The following LINGO2 variants were observed in gnomAD, a reference collection of about 807,000 sequenced individuals.
The protein encoded by LINGO2 is leucine-rich repeat and immunoglobulin-like domain-containing nogo receptor-interacting protein 2.
Under a neutral mutation model 30.6 loss-of-function variants are expected in LINGO2, and 14 were observed. That is an observed-to-expected ratio of 0.46 (90% confidence interval 0.30 to 0.72). The LOEUF (loss-of-function observed/expected upper bound fraction) is 0.72. LINGO2 is among the 30% of genes least tolerant of loss of function. LINGO2 has a pLI of 0.07. For missense variants in LINGO2, 729 were observed against 751.7 expected, an observed-to-expected ratio of 0.97 and a Z score of 0.35; for synonymous variants, 317 against 288.5, an observed-to-expected ratio of 1.10 and a Z score of -1.00.
intron 1 of LINGO2, among the ~76,000 whole-genome samples, chr9:28,667,473 G>A (rs1182155639): frequency 6.6e-6 from 1 of 152,080 alleles, no homozygotes; most frequent in Non-Finnish European, 1.5e-5. Context: ...ACTGGGCACG[G>A]TGGCTCACGC....
At chr9:28,643,242 G>A (rs1827683436) in intron 1 of LINGO2, among the ~76,000 whole-genome samples, 1 of 151,918 alleles carries the variant, frequency 6.6e-6, no homozygotes, top group South Asian at 2.1e-4. Context: ...GCTATTTTAA[G>A]CAAAAAGGAT....
chr9:28,012,440 T>G (rs898684090), intron 4 of LINGO2: 2 of 151,886 alleles, frequency 1.3e-5, no homozygotes, highest in African/African-American at 2.4e-5. Context: ...TTAATCAAAG[T>G]TAGAGTCTTC....
At chr9:28,045,475 C>T (rs1824378498) in intron 4 of LINGO2, among the ~76,000 whole-genome samples, 2 of 152,080 alleles carry the variant, frequency 1.3e-5, no homozygotes, top group African/African-American at 4.8e-5. Context: ...GACTCTAATG[C>T]ACAATGATAC....
At chr9:28,035,281 GCC>G in intron 4 of LINGO2, among the ~76,000 whole-genome samples, 1 of 152,060 alleles carries the variant, frequency 6.6e-6, no homozygotes, top group South Asian at 2.1e-4. Context: ...AATAGATAAA[GCC>G]ATATATTTCC....
chr9:28,375,301 G>T (rs1381226448), intron 2 of LINGO2, among the ~76,000 whole-genome samples: 1 of 152,140 alleles, frequency 6.6e-6, no homozygotes, highest in African/African-American at 2.4e-5. Context: ...ATTATTCCCC[G>T]GTTCAGCCTG....
At chr9:29,019,836 T>C in the LINGO2 span, among the ~76,000 whole-genome samples, 6 of 152,190 alleles carry the variant, frequency 3.9e-5, no homozygotes, top group Non-Finnish European at 8.8e-5. Flanking sequence ...CCATTCCTTA[T>C]GAGTTACAAA....
chr9:28,782,112 A>T, the LINGO2 span, among the ~76,000 whole-genome samples: 3 of 152,014 alleles, frequency 2.0e-5, no homozygotes, highest in Non-Finnish European at 2.9e-5. Context: ...TTTGTTTAAA[A>T]ATATATATAT....
At chr9:28,517,871 A>ATAAAT (rs1259274168) in intron 1 of LINGO2, among the ~76,000 whole-genome samples, 47 of 152,204 alleles carry the variant, frequency 3.1e-4, no homozygotes, top group Non-Finnish European at 5.7e-4. Flanking sequence ...CAAGGTACAA[A>ATAAAT]GATTCAAATG....
At chr9:28,756,689 G>A in the LINGO2 span, among the ~76,000 whole-genome samples, 22 of 152,052 alleles carry the variant, frequency 1.4e-4, no homozygotes, top group East Asian at 3.7e-3. Flanking sequence ...TCTAGTGATA[G>A]TGAGTGAGTT....
chr9:28,507,098 C>G (rs545357203), intron 1 of LINGO2, among the ~76,000 whole-genome samples: 3 of 152,072 alleles, frequency 2.0e-5, no homozygotes, highest in Non-Finnish European at 2.9e-5. Context: ...AAGACTTATA[C>G]CTTATAAGAA....
At chr9:28,808,342 G>C in the LINGO2 span, among the ~76,000 whole-genome samples, 1 of 152,118 alleles carries the variant, frequency 6.6e-6, no homozygotes. Flanking sequence ...CCTGAATTAT[G>C]CTACTTTATA....
chr9:28,485,704 T>C (rs1365771176), intron 1 of LINGO2, among the ~76,000 whole-genome samples: 1 of 152,050 alleles, frequency 6.6e-6, no homozygotes, highest in Non-Finnish European at 1.5e-5. Context: ...CCCTGAAACA[T>C]GGTTGCTGAA....
intron 4 of LINGO2, among the ~76,000 whole-genome samples, chr9:28,117,480 C>T (rs1826952065): frequency 1.0e-5 from 1 of 96,680 alleles, no homozygotes. Flanking sequence ...CTAAGCAAGC[C>T]TGGGCAATGG....
At chr9:28,784,441 T>G in the LINGO2 span, among the ~76,000 whole-genome samples, 1 of 152,188 alleles carries the variant, frequency 6.6e-6, no homozygotes, top group East Asian at 1.9e-4. Context: ...GACCCTGTAT[T>G]AGTAATTTAA....
intron 1 of LINGO2, among the ~76,000 whole-genome samples, chr9:28,490,751 G>C (rs1826363279): frequency 6.6e-6 from 1 of 151,818 alleles, no homozygotes; most frequent in Non-Finnish European, 1.5e-5. Context: ...CATAATACTG[G>C]GATTGTATAA....
the LINGO2 span, among the ~76,000 whole-genome samples, chr9:28,774,774 G>T: frequency 3.3e-5 from 5 of 152,098 alleles, no homozygotes; most frequent in Admixed American, 1.3e-4. Context: ...ACAAAGTATT[G>T]CAAAGTTCAA....
the LINGO2 span, among the ~76,000 whole-genome samples, chr9:29,190,402 C>G: frequency 1.3e-5 from 2 of 152,166 alleles, no homozygotes; most frequent in South Asian, 4.1e-4. Context: ...ACTTGATATC[C>G]TGGCAATAAA....
At chr9:29,010,624 C>T in the LINGO2 span, among the ~76,000 whole-genome samples, 17 of 152,210 alleles carry the variant, frequency 1.1e-4, no homozygotes, top group East Asian at 3.3e-3. Context: ...ATTTTTTTTA[C>T]TGAACTTCAT....
intron 5 of LINGO2, among the ~76,000 whole-genome samples, chr9:27,993,524 A>G (rs1252684881): frequency 6.6e-6 from 1 of 152,098 alleles, no homozygotes; most frequent in Non-Finnish European, 1.5e-5. Context: ...CAGCCTGGGT[A>G]ACATAGTGAG....
Sources: gnomAD v4.1 joint callset for allele counts (sites outside exome capture counted in the v4.1 genomes callset) on GRCh38, gnomAD v4.1.1 for gene constraint, MANE v1.5 for transcripts, NCBI Gene and HGNC (gene_info 2026-07-23, HGNC 2026-07-21) for gene names.